The following CADPS variants were observed in gnomAD, a reference collection of about 807,000 sequenced individuals.
CADPS encodes calcium-dependent secretion activator 1.
Under a neutral mutation model 167.3 loss-of-function variants are expected in CADPS, and 57 were observed. The ratio of observed to expected loss-of-function variants is 0.34; its 90% CI spans 0.28 to 0.42. The LOEUF (loss-of-function observed/expected upper bound fraction) is 0.42. Ranked by LOEUF, CADPS falls within the 20% of genes least tolerant of loss-of-function variation. CADPS has a pLI of 1.00. For synonymous variants in CADPS, 676 were observed against 635.3 expected (o/e 1.06, Z -0.96); for missense variants, 1,414 against 1,738.1 (o/e 0.81, Z 3.32).
chr3:62,406,786 A>C (rs1266256303), intron 28 of CADPS, among the ~76,000 whole-genome samples: 1 of 152,212 alleles, frequency 6.6e-6, no homozygotes. Flanking sequence ...CATCATAGAC[A>C]ACAGGGCCCT....
intron 13 of CADPS, among the ~76,000 whole-genome samples, chr3:62,532,398 A>G (rs764265902): frequency 1.7e-4 from 26 of 152,224 alleles, no homozygotes; most frequent in Non-Finnish European, 3.2e-4. Context: ...ACTGACACTA[A>G]GGAAGTAATT....
At chr3:62,810,872 G>A (rs978474933) in intron 1 of CADPS, among the ~76,000 whole-genome samples, 2 of 152,222 alleles carry the variant, frequency 1.3e-5, no homozygotes, top group East Asian at 3.9e-4. Flanking sequence ...CTAGCACAGA[G>A]CTGTGCACAA....
rs964069375 is a variant in CADPS, at chr3:62,420,580, T to C, written c.3778-17395A>G. Among the ~76,000 whole-genome samples, 3 of 152,080 alleles carry C rather than the reference T, an allele frequency of 2.0e-5. No homozygotes were observed. Among genetic ancestry groups the C allele is most frequent in the African/African-American group, 7.2e-5 (3 of 41,404 alleles). ...AGCACAGGTGGATGGAGAGGGCATCTTGATCTCCTAGGAGGGAATATTTGG... is the reference window on the plus strand; with the variant it reads ...AGCACAGGTGGATGGAGAGGGCATCCTGATCTCCTAGGAGGGAATATTTGG... On this transcript the variant is annotated intron_variant, in intron 28 of 29. Transcript: ENST00000383710. The surrounding 1 kb of genome is among the most constrained non-coding windows in gnomAD (Gnocchi z 4.1).
At chr3:62,685,988 T>C (rs150321531) in intron 3 of CADPS, among the ~76,000 whole-genome samples, 78 of 152,102 alleles carry the variant, frequency 5.1e-4, no homozygotes, top group Middle Eastern at 3.4e-3. Context: ...AGGAGGATAT[T>C]AAATGTTTCC....
At chr3:62,768,275 G>C (rs556375286) in intron 1 of CADPS, among the ~76,000 whole-genome samples, 1 of 152,210 alleles carries the variant, frequency 6.6e-6, no homozygotes, top group African/African-American at 2.4e-5. Flanking sequence ...AATCCTAACA[G>C]TATAGGACCA....
chr3:62,692,323 A>G (rs955038740), intron 3 of CADPS, among the ~76,000 whole-genome samples: 2 of 151,966 alleles, frequency 1.3e-5, no homozygotes, highest in Non-Finnish European at 2.9e-5. Context: ...GATAAGAATC[A>G]CTGAGGTGAA....
intron 6 of CADPS, among the ~76,000 whole-genome samples, chr3:62,643,644 G>A (rs140660112): frequency 0.02 from 3,096 of 152,270 alleles, 38 homozygotes; most frequent in South Asian, 0.04. Flanking sequence ...AACTGAAACC[G>A]TTGCATCTGA....
intron 3 of CADPS, among the ~76,000 whole-genome samples, chr3:62,671,739 G>T (rs1179942448): frequency 6.6e-6 from 1 of 151,918 alleles, no homozygotes; most frequent in Non-Finnish European, 1.5e-5. Flanking sequence ...GATATTCCGG[G>T]TTGGGGCTCA....
At chr3:62,873,339 A>G (rs1172020830) in intron 1 of CADPS, among the ~76,000 whole-genome samples, 1 of 152,234 alleles carries the variant, frequency 6.6e-6, no homozygotes, top group Non-Finnish European at 1.5e-5. Flanking sequence ...AATGGCAGCA[A>G]CTGAAAGATT....
At chr3:62,594,894 G>A (rs1333409514) in intron 6 of CADPS, among the ~76,000 whole-genome samples, 2 of 152,096 alleles carry the variant, frequency 1.3e-5, no homozygotes, top group African/African-American at 4.8e-5. Context: ...CAAATCACAG[G>A]GCTTCCTTCT....
At chr3:62,855,903 T>C (rs2153141427) in intron 1 of CADPS, among the ~76,000 whole-genome samples, 1 of 152,322 alleles carries the variant, frequency 6.6e-6, no homozygotes, top group African/African-American at 2.4e-5. Flanking sequence ...CTAAAAATTT[T>C]ATTGTAGTTT....
At chr3:62,402,707 T>C (rs1706822770) in intron 29 of CADPS, among the ~76,000 whole-genome samples, 1 of 152,254 alleles carries the variant, frequency 6.6e-6, no homozygotes, top group Non-Finnish European at 1.5e-5. Flanking sequence ...ATTAAATTAA[T>C]AGCGGCAACA....
chr3:62,520,991 G>A (rs751775578), intron 13 of CADPS, among the ~76,000 whole-genome samples: 3 of 152,162 alleles, frequency 2.0e-5, no homozygotes, highest in Non-Finnish European at 4.4e-5. Flanking sequence ...ATGCTTTGGA[G>A]AGTACTGTTT....
chr3:62,656,701 G>C (rs2071692522), intron 4 of CADPS, among the ~76,000 whole-genome samples: 2 of 152,226 alleles, frequency 1.3e-5, no homozygotes, highest in South Asian at 4.1e-4. Context: ...AATGAGGATG[G>C]GGTCAGCAGG....
At chr3:62,583,155 G>GTCTCTCTCTCTCTCTC (rs61474581) in intron 8 of CADPS, among the ~76,000 whole-genome samples, 82 of 147,292 alleles carry the variant, frequency 5.6e-4, no homozygotes, top group East Asian at 2.3e-3. Context: ...TACCCTCTTT[G>GTCTCTCTCTCTCTCTC]TCTCTCTCTC....
intron 6 of CADPS, among the ~76,000 whole-genome samples, chr3:62,638,095 G>GTATATATATA (rs1373593585): frequency 3.5e-5 from 1 of 28,686 alleles, no homozygotes; most frequent in African/African-American, 5.5e-5. Flanking sequence ...ATATATATAT[G>GTATATATATA]TATATATATA....
chr3:62,741,769 G>C (rs1384634226), intron 3 of CADPS, among the ~76,000 whole-genome samples: 1 of 152,068 alleles, frequency 6.6e-6, no homozygotes, highest in African/African-American at 2.4e-5. Context: ...GGAAGTCTTG[G>C]CCAGGGCAAT....
chr3:62,586,771 T>A (rs1178157228), intron 7 of CADPS, among the ~76,000 whole-genome samples: 1 of 152,232 alleles, frequency 6.6e-6, no homozygotes, highest in East Asian at 1.9e-4. Flanking sequence ...TAGCCCAGTA[T>A]CTGTATACTA....
intron 7 of CADPS, among the ~76,000 whole-genome samples, chr3:62,588,089 C>G (rs2085052754): frequency 1.3e-5 from 2 of 152,178 alleles, no homozygotes; most frequent in Non-Finnish European, 2.9e-5. Context: ...TGCACTCCAG[C>G]CAGCCGTGGC....
Sources: gnomAD v4.1 joint callset for allele counts (sites outside exome capture counted in the v4.1 genomes callset) on GRCh38, gnomAD v4.1.1 for gene constraint, Gnocchi (gnomAD v3.1) non-coding constraint, MANE v1.5 for transcripts, NCBI Gene and HGNC (gene_info 2026-07-23, HGNC 2026-07-21) for gene names.